Variants in YTHDC2 observed in about 807,000 individuals in gnomAD.
The protein encoded by YTHDC2 is 3'-5' RNA helicase YTHDC2.
A neutral mutation model predicts 174.9 loss-of-function variants in YTHDC2; 45 were observed. The ratio of observed to expected loss-of-function variants is 0.26; its 90% CI spans 0.20 to 0.33. The LOEUF (loss-of-function observed/expected upper bound fraction) is 0.33. YTHDC2 is among the 10% of genes least tolerant of loss of function. The probability of loss-of-function intolerance (pLI) is 1.00; values close to 1 mark genes in which losing one functional copy is unlikely to be tolerated. For missense variants in YTHDC2, 1,650 were observed against 1,723.7 expected, an observed-to-expected ratio of 0.96 and a Z score of 0.76; for synonymous variants, 657 against 574.5, an observed-to-expected ratio of 1.14 and a Z score of -2.05.
At chr5:113,515,684 A>T (rs1194792063) in intron 2 of YTHDC2, among the ~76,000 whole-genome samples, 1 of 152,234 alleles carries the variant, frequency 6.6e-6, no homozygotes, top group East Asian at 1.9e-4. Context: ...TAAGCTTATT[A>T]AGACATGCAT....
intron 2 of YTHDC2, among the ~76,000 whole-genome samples, chr5:113,524,072 A>G (rs4705552): frequency 0.32 from 48,259 of 151,956 alleles, 9,470 homozygotes; most frequent in African/African-American, 0.54. Flanking sequence ...ATCCTTTGAG[A>G]TATATATTAC....
Position 113,515,265 on chromosome 5 carries a change from C to T in YTHDC2, c.188-7C>T, listed in dbSNP as rs762254354. 7 of 1,587,330 alleles carry T rather than the reference C, an allele frequency of 4.4e-6. No individual in the cohort carries two copies. The highest frequency in any genetic ancestry group is 1.4e-5 in the African/African-American group (1 of 73,262). On this transcript the variant is annotated splice_polypyrimidine_tract_variant and splice_region_variant and intron_variant, in intron 1 of 29. Coordinates refer to ENST00000161863, the MANE Select transcript of YTHDC2 (RefSeq NM_022828.5). ...AAATTTTACTACTTTGTTTTTTTTC[C>T]GTGTAGAAATGGAATTTCCTTCTTC... is the stretch of plus-strand genomic sequence containing the variant.
chr5:113,581,405 G>T lies in YTHDC2; in HGVS notation c.3355-12G>T, dbSNP rs1490647423. 3.2e-6 allele frequency: 5 copies of T among 1,568,668 alleles called. No homozygotes were observed. The South Asian group carries it at 3.6e-5, about 11-fold the overall frequency. On this transcript the variant is annotated splice_polypyrimidine_tract_variant and intron_variant, in intron 24 of 29. Transcript: ENST00000161863. ...GATATTCATTTGCTTGTATCTATTT[G>T]AACTATTACAGGCAGCTAGTTTATT...
chr5:113,520,795 A>G (rs546560979), intron 2 of YTHDC2, among the ~76,000 whole-genome samples: 18 of 152,322 alleles, frequency 1.2e-4, no homozygotes, highest in African/African-American at 4.3e-4. Flanking sequence ...GTTCAGAGGT[A>G]CATGTGCAGG....
chr5:113,581,810 T>C (rs1475616679), intron 25 of YTHDC2, 101 bp downstream of exon 25: 2 of 1,042,112 alleles, frequency 1.9e-6, no homozygotes, highest in East Asian at 3.0e-5. Flanking sequence ...AAAATTACTT[T>C]TTTATAATCT....
At chr5:113,557,047 T>A (rs952579580) in intron 17 of YTHDC2, among the ~76,000 whole-genome samples, 16 of 152,284 alleles carry the variant, frequency 1.1e-4, no homozygotes, top group African/African-American at 3.6e-4. Context: ...CTAGTAGTCT[T>A]TTGTGGTAAG....
chr5:113,518,195 G>GT (rs376068693), intron 2 of YTHDC2, among the ~76,000 whole-genome samples: 42,300 of 113,220 alleles, frequency 0.37, 8,693 homozygotes, highest in African/African-American at 0.61. Context: ...GCGTTTTTTT[G>GT]TTTTTTTTTT....
chr5:113,566,274 G>C lies in YTHDC2; in HGVS notation c.2842+255G>C, dbSNP rs146454106. On this transcript the variant is annotated intron_variant, in intron 21 of 29. Transcript: ENST00000161863. ...ATATGCTTGTGATACTGTTGGCAAT[G>C]AACAATTTGTATTGGTTGGCAGAGA... is the stretch of plus-strand genomic sequence containing the variant. Among the ~76,000 whole-genome samples the C allele has an allele frequency of 5.8e-3, 878 of 152,176 alleles. 3 individuals are homozygous for C. Among genetic ancestry groups the C allele is most frequent in the Non-Finnish European group, 9.5e-3 (643 of 67,994 alleles).
chr5:113,518,195 GTTTT>G (rs376068693), intron 2 of YTHDC2, among the ~76,000 whole-genome samples: 1 of 113,338 alleles, frequency 8.8e-6, no homozygotes, highest in Non-Finnish European at 1.9e-5. Flanking sequence ...GCGTTTTTTT[GTTTT>G]TTTTTTTTTT....
chr5:113,533,019 T>C lies in YTHDC2; in HGVS notation c.816T>C (p.Ile272=), dbSNP rs1168535197. The part of the protein sequence containing the change: ...AERRERIGQT[I]GYQIRLESRV... ...GACGGGAAAGGATTGGTCAAACAAT[T>C]GGTTATCAGATCCGATTAGAAAGCA... The change falls in exon 5 of 30, where the codon ATT becomes ATC. Residue 272 remains isoleucine (I), a synonymous_variant. Transcript: ENST00000161863. The C allele has an allele frequency of 3.1e-6, 5 of 1,614,138 alleles. No homozygotes were observed.
In YTHDC2 at chr5:113,535,650, G is replaced by A. The variant is rs1206801789; in HGVS notation, c.954G>A (p.Val318=). The A allele has an allele frequency of 6.2e-7, 1 of 1,612,366 alleles. No homozygotes were observed. Among genetic ancestry groups the A allele is most frequent in the Non-Finnish European group, 8.5e-7 (1 of 1,179,334 alleles). The change falls in exon 7 of 30, where the codon GTG becomes GTA. Residue 318 remains valine (V), a synonymous_variant. Transcript: ENST00000161863. ...STVTHVIVDE[V]HERDRFSDFL... is the part of the protein sequence containing the mutation. ...ATTTCTGTTTACTATAGGATGAAGT[G>A]CATGAAAGGGATCGATTTAGTGATT... is the stretch of plus-strand genomic sequence containing the variant.
chr5:113,568,215 CAT>C (rs1777478383), intron 23 of YTHDC2, among the ~76,000 whole-genome samples: 1 of 152,028 alleles, frequency 6.6e-6, no homozygotes, highest in Non-Finnish European at 1.5e-5. Context: ...ATTTTTTCTA[CAT>C]GTTTACATAT....
At position 113,513,903 on chromosome 5, in the gene YTHDC2, G is replaced by A. The variant is rs1203113030; in HGVS notation, c.8G>A (p.Arg3Lys). 4 of 1,603,820 alleles carry A rather than the reference G, an allele frequency of 2.5e-6. No individual in the cohort carries two copies. The highest frequency in any genetic ancestry group is 2.6e-6 in the Non-Finnish European group (3 of 1,176,178). Residue 3 changes from arginine (R) to lysine (K), a missense_variant, in exon 1 of 30, where the codon AGG (arginine) becomes AAG (lysine). Transcript: ENST00000161863. ...GACCATCTCTTCAGGGCAATGTCCAGGCCGAGCAGCGTCTCCCCGCGGCAG... is the reference window on the plus strand; with the variant it reads ...GACCATCTCTTCAGGGCAATGTCCAAGCCGAGCAGCGTCTCCCCGCGGCAG... MS[R>K]PSSVSPRQPA... is the part of the protein sequence containing the mutation.
chr5:113,585,805 A>G (rs944861028), intron 26 of YTHDC2, among the ~76,000 whole-genome samples: 5 of 151,758 alleles, frequency 3.3e-5, no homozygotes, highest in Admixed American at 1.3e-4. Context: ...CAATCTATCC[A>G]TATTGTTGAG....
At chr5:113,559,685 A>G (rs561586339) in intron 17 of YTHDC2, among the ~76,000 whole-genome samples, 46 of 152,330 alleles carry the variant, frequency 3.0e-4, no homozygotes, top group South Asian at 1.7e-3. Flanking sequence ...TTTCCACTTG[A>G]TGGGTGCCAA....
At chr5:113,562,862 A>G (rs1386566424) in intron 18 of YTHDC2, among the ~76,000 whole-genome samples, 2 of 152,174 alleles carry the variant, frequency 1.3e-5, no homozygotes, top group Non-Finnish European at 2.9e-5. Flanking sequence ...AGCACTGACG[A>G]TAATCGTAAT....
chr5:113,550,128 C>T (rs1057293274), intron 12 of YTHDC2, among the ~76,000 whole-genome samples: 4 of 128,452 alleles, frequency 3.1e-5, no homozygotes, highest in Admixed American at 7.7e-5. Context: ...AAAAAAAAAA[C>T]GGGTAAAACC....
At chr5:113,573,724 C>G (rs1339614305) in intron 23 of YTHDC2, among the ~76,000 whole-genome samples, 1 of 152,104 alleles carries the variant, frequency 6.6e-6, no homozygotes, top group African/African-American at 2.4e-5. Context: ...AGACGGTCTT[C>G]AAGCTCTGAG....
At chr5:113,571,468 G>A (rs1237593615) in intron 23 of YTHDC2, among the ~76,000 whole-genome samples, 2 of 152,200 alleles carry the variant, frequency 1.3e-5, no homozygotes, top group African/African-American at 4.8e-5. Flanking sequence ...TCAGGCTTTG[G>A]TATCAGTATG....
Sources: allele counts gnomAD v4.1 joint callset (sites outside exome capture counted in the v4.1 genomes callset), GRCh38; gene constraint gnomAD v4.1.1; transcripts MANE v1.5; gene names NCBI Gene and HGNC (gene_info 2026-07-23, HGNC 2026-07-21).